The following TBC1D19 variants were observed in gnomAD, a reference collection of about 807,000 sequenced individuals.
TBC1D19 encodes TBC1 domain family, member 19.
A neutral mutation model predicts 89.0 loss-of-function variants in TBC1D19; 60 were observed. The observed-to-expected ratio is 0.67, with a 90% confidence interval of 0.55 to 0.84. The LOEUF is 0.84. Among genes scored for constraint, TBC1D19 ranks in the 40% least tolerant of loss-of-function variants. The probability of loss-of-function intolerance (pLI) is 0.00; values close to 1 mark genes in which losing one functional copy is unlikely to be tolerated. For missense variants in TBC1D19, 500 were observed against 610.8 expected, an observed-to-expected ratio of 0.82 and a Z score of 1.91; for synonymous variants, 189 against 199.7, an observed-to-expected ratio of 0.95 and a Z score of 0.45.
intron 8 of TBC1D19, among the ~76,000 whole-genome samples, chr4:26,663,382 C>T (rs1487512737): frequency 1.3e-5 from 2 of 152,028 alleles, no homozygotes; most frequent in East Asian, 1.9e-4. Flanking sequence ...AGCTAAAATC[C>T]TCATTTTCCA....
rs542224653 is a variant in TBC1D19, at chr4:26,665,265, G to A, written c.592-1068G>A. Among the ~76,000 whole-genome samples the A allele has an allele frequency of 1.0e-3, 159 of 152,228 alleles. 1 individual carries two copies. The highest frequency in any genetic ancestry group is 3.7e-3 in the African/African-American group (154 of 41,530). ...TCTATACAAAATGAAATGTGTATAT[G>A]TGTATGTTAGGCTGAATAACTGTCT... is the stretch of plus-strand genomic sequence containing the variant. On this transcript the variant is annotated intron_variant, in intron 8 of 20. Transcript: ENST00000264866.
the TBC1D19 span, among the ~76,000 whole-genome samples, chr4:26,808,477 A>G: frequency 1.7e-5 from 1 of 59,882 alleles, no homozygotes; most frequent in Non-Finnish European, 2.9e-5. Context: ...TCACGCCTGT[A>G]ATCCCAGCAC....
intron 13 of TBC1D19, among the ~76,000 whole-genome samples, chr4:26,701,702 G>T (rs1715348360): frequency 6.6e-6 from 1 of 151,772 alleles, no homozygotes; most frequent in Non-Finnish European, 1.5e-5. Context: ...CCTTTTTTAT[G>T]AACTGACTCA....
At chr4:26,664,473 G>A (rs953855789) in intron 8 of TBC1D19, among the ~76,000 whole-genome samples, 8 of 152,082 alleles carry the variant, frequency 5.3e-5, no homozygotes, top group African/African-American at 1.9e-4. Context: ...CCCTTTTGCA[G>A]TATGAAGATT....
chr4:26,759,681 T>A (rs1719396577), downstream of TBC1D19, among the ~76,000 whole-genome samples: 1 of 152,198 alleles, frequency 6.6e-6, no homozygotes, highest in South Asian at 2.1e-4. Context: ...AAGATTAGAT[T>A]CATCTTTTCT....
At chr4:26,679,071 T>C (rs902508302) in intron 11 of TBC1D19, among the ~76,000 whole-genome samples, 2 of 152,190 alleles carry the variant, frequency 1.3e-5, no homozygotes, top group African/African-American at 4.8e-5. Flanking sequence ...ACCCATTTTC[T>C]GGGTAGAAAT....
rs1268919224 is a variant in TBC1D19 at position 26,638,810 on chromosome 4, A to C, written c.409A>C (p.Asn137His). ...GEQKELLNKWNEMGTDEPDLS... is the reference protein window; with the variant it reads ...GEQKELLNKWHEMGTDEPDLS... The stretch of plus-strand genomic sequence containing the variant: ...ACAGAAAGAACTTCTTAATAAATGG[A>C]ATGAAATGGGAACTGATGAACCAGG... Residue 137 changes from asparagine to histidine, a missense_variant, in exon 6 of 21, where the codon AAT becomes CAT. By Grantham distance (68) the Asn-to-His change is moderately conservative. Transcript: ENST00000264866. 1 of 1,610,472 alleles carries C rather than the reference A, an allele frequency of 6.2e-7. No individual in the cohort carries two copies. The highest frequency in any genetic ancestry group is 8.5e-7 in the Non-Finnish European group (1 of 1,178,890).
At chr4:26,672,328 T>A in intron 10 of TBC1D19, 141 bp downstream of exon 10, 1 of 649,792 alleles carries the variant, frequency 1.5e-6, no homozygotes, top group South Asian at 1.9e-5. Flanking sequence ...ACCATGTAGA[T>A]TACATAATGA....
chr4:26,770,758 A>T, the TBC1D19 span, among the ~76,000 whole-genome samples: 1 of 152,290 alleles, frequency 6.6e-6, no homozygotes, highest in East Asian at 1.9e-4. Context: ...GATTCAAGCC[A>T]TATAAAGTAT....
In TBC1D19 at chr4:26,638,831, C is replaced by A; in HGVS notation, c.430C>A (p.Pro144Thr). 1 of 1,606,010 alleles carries A rather than the reference C, an allele frequency of 6.2e-7. No homozygotes were observed. The highest frequency in any genetic ancestry group is 8.5e-7 in the Non-Finnish European group (1 of 1,176,662). ...ATGGAATGAAATGGGAACTGATGAA[C>A]CAGGTATGTGAACAATTTTTTCTGA... ...NKWNEMGTDEPDLSLFRPVYA... is the reference protein window; with the variant it reads ...NKWNEMGTDETDLSLFRPVYA... The change falls in exon 6 of 21, where the codon CCA becomes ACA. Residue 144 changes from proline to threonine, a missense_variant. By Grantham distance (38) the Pro-to-Thr change is conservative (BLOSUM62 -1). Transcript: ENST00000264866.
intron 7 of TBC1D19, among the ~76,000 whole-genome samples, chr4:26,642,168 G>T (rs1346920857): frequency 6.6e-6 from 1 of 152,194 alleles, no homozygotes; most frequent in Non-Finnish European, 1.5e-5. Flanking sequence ...CATGTTAAGG[G>T]CAGCCAGAGA....
At chr4:26,806,186 C>T in the TBC1D19 span, among the ~76,000 whole-genome samples, 5 of 151,750 alleles carry the variant, frequency 3.3e-5, no homozygotes, top group East Asian at 1.9e-4. Context: ...CTACCCCATC[C>T]GCCCTCCAGC....
the TBC1D19 span, among the ~76,000 whole-genome samples, chr4:26,849,850 T>C: frequency 1.3e-5 from 2 of 152,210 alleles, no homozygotes; most frequent in Non-Finnish European, 2.9e-5. Flanking sequence ...CCTGCAACAT[T>C]TGGTTGGCTC....
At chr4:26,636,488 T>TAAAAAAAAAAAAA (rs71643685) in intron 4 of TBC1D19, among the ~76,000 whole-genome samples, 1 of 131,004 alleles carries the variant, frequency 7.6e-6, no homozygotes, top group African/African-American at 2.8e-5. Context: ...GTCAGTATCA[T>TAAAAAAAAAAAAA]AAAAAAAAAA....
chr4:26,654,517 G>A, intron 7 of TBC1D19, among the ~76,000 whole-genome samples: 1 of 152,142 alleles, frequency 6.6e-6, no homozygotes, highest in African/African-American at 2.4e-5. Flanking sequence ...ACACCAGTCA[G>A]ACACAGATTT....
At chr4:26,580,535 G>A (rs894248168), upstream of TBC1D19, among the ~76,000 whole-genome samples, 24 of 152,212 alleles carry the variant, frequency 1.6e-4, no homozygotes, top group African/African-American at 5.8e-4. Flanking sequence ...ACAGGTAATT[G>A]ACATCAATAT....
At chr4:26,682,306 A>T (rs1378431337) in intron 11 of TBC1D19, among the ~76,000 whole-genome samples, 1 of 152,230 alleles carries the variant, frequency 6.6e-6, no homozygotes, top group Non-Finnish European at 1.5e-5. Context: ...AAAAATGAAA[A>T]CATCAATAAG....
At chr4:26,645,979 C>T (rs1342836489) in intron 7 of TBC1D19, among the ~76,000 whole-genome samples, 24 of 151,240 alleles carry the variant, frequency 1.6e-4, no homozygotes, top group Non-Finnish European at 2.8e-4. Context: ...AAAAATTAGC[C>T]GGGCGTAGTG....
At chr4:26,660,621 G>A (rs1248992855) in intron 8 of TBC1D19, among the ~76,000 whole-genome samples, 1 of 152,164 alleles carries the variant, frequency 6.6e-6, no homozygotes, top group Non-Finnish European at 1.5e-5. Flanking sequence ...GCAGGAGGCA[G>A]GGGCTTCCAT....
Sources: allele counts gnomAD v4.1 joint callset (sites outside exome capture counted in the v4.1 genomes callset), GRCh38; gene constraint gnomAD v4.1.1; transcripts MANE v1.5; gene names NCBI Gene and HGNC (gene_info 2026-07-23, HGNC 2026-07-21).